PDE7B: variants seen among roughly 807,000 people sequenced by gnomAD.
PDE7B encodes phosphodiesterase 7B.
Under a neutral mutation model 56.2 loss-of-function variants are expected in PDE7B, and 29 were observed. The observed-to-expected ratio is 0.52, with a 90% confidence interval of 0.38 to 0.70. The LOEUF (loss-of-function observed/expected upper bound fraction) is 0.70. PDE7B is among the 30% of genes least tolerant of loss of function. The pLI, the probability that PDE7B is intolerant of heterozygous loss-of-function variation, is 0.00. For synonymous variants in PDE7B, 197 were observed against 196.9 expected (o/e 1.00, Z 0.00); for missense variants, 490 against 565.0 (o/e 0.87, Z 1.35).
chr6:135,943,798 C>T (rs1774546875), intron 1 of PDE7B, among the ~76,000 whole-genome samples: 1 of 152,174 alleles, frequency 6.6e-6, no homozygotes, highest in Non-Finnish European at 1.5e-5. Flanking sequence ...ATGTTAGGAA[C>T]ACTAACAATG....
At chr6:135,863,592 T>G (rs1464933995) in intron 1 of PDE7B, among the ~76,000 whole-genome samples, 1 of 151,772 alleles carries the variant, frequency 6.6e-6, no homozygotes, top group Admixed American at 6.6e-5. Context: ...GGGAGGAGGA[T>G]GATAATGGAA....
chr6:136,058,408 T>C (rs945094833), intron 2 of PDE7B, among the ~76,000 whole-genome samples: 1 of 152,190 alleles, frequency 6.6e-6, no homozygotes, highest in Non-Finnish European at 1.5e-5. Flanking sequence ...ATTCCCAGCA[T>C]GCTCACTGGA....
At chr6:135,926,472 G>A (rs1487951551) in intron 1 of PDE7B, among the ~76,000 whole-genome samples, 1 of 150,956 alleles carries the variant, frequency 6.6e-6, no homozygotes, top group Non-Finnish European at 1.5e-5. Flanking sequence ...GTGGTCTAAT[G>A]GTACTGAACT....
intron 1 of PDE7B, among the ~76,000 whole-genome samples, chr6:135,915,409 T>A (rs1278958889): frequency 2.6e-5 from 4 of 152,252 alleles, no homozygotes; most frequent in African/African-American, 9.6e-5. Context: ...GCCAGCAACA[T>A]ATGACACTTC....
At chr6:135,864,253 T>C (rs532339517) in intron 1 of PDE7B, among the ~76,000 whole-genome samples, 23 of 152,266 alleles carry the variant, frequency 1.5e-4, no homozygotes, top group African/African-American at 5.5e-4. Context: ...CTAAATTATA[T>C]GCTATTGTTA....
intron 2 of PDE7B, among the ~76,000 whole-genome samples, chr6:136,087,828 C>T (rs879811846): frequency 2.6e-5 from 4 of 152,134 alleles, no homozygotes; most frequent in Non-Finnish European, 2.9e-5. Context: ...TGTAATGCAA[C>T]GTAGCCATGT....
intron 2 of PDE7B, among the ~76,000 whole-genome samples, chr6:135,971,022 T>C (rs929025601): frequency 1.1e-4 from 16 of 152,012 alleles, no homozygotes; most frequent in South Asian, 2.1e-4. Flanking sequence ...GGGGTATGGA[T>C]TGAGTTGTGT....
At chr6:135,853,481 G>T (rs1034994047) in intron 1 of PDE7B, among the ~76,000 whole-genome samples, 11 of 152,254 alleles carry the variant, frequency 7.2e-5, no homozygotes, top group African/African-American at 2.6e-4. Flanking sequence ...TTTATTACTG[G>T]CTGGTGAAAC....
At chr6:135,978,774 T>G (rs920623045) in intron 2 of PDE7B, among the ~76,000 whole-genome samples, 10 of 152,176 alleles carry the variant, frequency 6.6e-5, no homozygotes, top group African/African-American at 2.4e-4. Context: ...AAGGAGATTT[T>G]GGGCTGAGAC....
At chr6:136,047,956 C>A (rs1016087623) in intron 2 of PDE7B, among the ~76,000 whole-genome samples, 1 of 152,124 alleles carries the variant, frequency 6.6e-6, no homozygotes, top group Non-Finnish European at 1.5e-5. Flanking sequence ...GAGGAAGAAT[C>A]AAAAGTGTTT....
rs76875347 is a variant in PDE7B, at chr6:135,904,496, T to C, written c.22-42968T>C. Among the ~76,000 whole-genome samples the C allele has an allele frequency of 7.0e-3, 1,069 of 152,288 alleles. 12 individuals carry two copies. The highest frequency in any genetic ancestry group is 0.025 in the African/African-American group (1,028 of 41,570). On this transcript the variant is annotated intron_variant, in intron 1 of 12. Coordinates refer to ENST00000308191, the MANE Select transcript of PDE7B (RefSeq NM_018945.4). ...CCAGAAATACTTATAGACAACAGAT[T>C]ACCCCAGTCCATCCTTTCTCCATTT...
At chr6:135,968,350 A>ATTAG (rs10678127) in intron 2 of PDE7B, among the ~76,000 whole-genome samples, 12,507 of 152,172 alleles carry the variant, frequency 0.082, 958 homozygotes, top group African/African-American at 0.2. Flanking sequence ...CAAAGAAACT[A>ATTAG]TCATCAGAGT....
At chr6:135,916,953 A>G (rs1773963749) in intron 1 of PDE7B, among the ~76,000 whole-genome samples, 2 of 152,094 alleles carry the variant, frequency 1.3e-5, no homozygotes, top group African/African-American at 4.8e-5. Flanking sequence ...TTGGCAGTTG[A>G]ATTTATCAAA....
chr6:135,932,768 G>A (rs1375051194), intron 1 of PDE7B, among the ~76,000 whole-genome samples: 2 of 152,180 alleles, frequency 1.3e-5, no homozygotes, highest in African/African-American at 2.4e-5. Flanking sequence ...CAAAGCCCAC[G>A]TTCTCTGGCT....
chr6:136,159,700 A>T (rs538145348), intron 8 of PDE7B, among the ~76,000 whole-genome samples: 20 of 152,306 alleles, frequency 1.3e-4, no homozygotes, highest in Non-Finnish European at 2.8e-4. Flanking sequence ...AAAAATGAAA[A>T]CACAGACAAT....
chr6:136,082,847 G>A (rs1203707210), intron 2 of PDE7B, among the ~76,000 whole-genome samples: 1 of 152,136 alleles, frequency 6.6e-6, no homozygotes, highest in Non-Finnish European at 1.5e-5. Context: ...AAAACAAACA[G>A]TAAAAGACTT....
intron 3 of PDE7B, among the ~76,000 whole-genome samples, chr6:136,111,905 T>C (rs946975266): frequency 2.0e-5 from 3 of 152,150 alleles, no homozygotes; most frequent in Admixed American, 6.5e-5. Context: ...GCAGTTTTGT[T>C]CTCTCTCCCA....
At chr6:135,998,480 G>A (rs964454829) in intron 2 of PDE7B, among the ~76,000 whole-genome samples, 4 of 152,200 alleles carry the variant, frequency 2.6e-5, no homozygotes, top group African/African-American at 9.7e-5. Flanking sequence ...CTCCTGGCCA[G>A]GCGTGGTGGC....
chr6:136,145,863 T>C (rs1350591145), intron 3 of PDE7B, among the ~76,000 whole-genome samples: 2 of 152,204 alleles, frequency 1.3e-5, no homozygotes, highest in Non-Finnish European at 2.9e-5. Context: ...CTAGGTAATG[T>C]CATCTGACAA....
Sources: gnomAD v4.1 joint callset for allele counts (sites outside exome capture counted in the v4.1 genomes callset) on GRCh38, gnomAD v4.1.1 for gene constraint, MANE v1.5 for transcripts, NCBI Gene and HGNC (gene_info 2026-07-23, HGNC 2026-07-21) for gene names.